The following MCM3 variants were observed in gnomAD, a reference collection of about 807,000 sequenced individuals.
MCM3 encodes DNA replication licensing factor MCM3.
Under a neutral mutation model 91.3 loss-of-function variants are expected in MCM3, and 59 were observed. That is an observed-to-expected ratio of 0.65 (90% confidence interval 0.52 to 0.80). The LOEUF (loss-of-function observed/expected upper bound fraction) is 0.80, where lower values mean the gene tolerates loss of function less well. Among genes scored for constraint, MCM3 ranks in the 30% least tolerant of loss-of-function variants. MCM3 has a pLI of 0.00. For missense variants in MCM3, 919 were observed against 1,035.4 expected (o/e 0.89, Z 1.54); for synonymous variants, 383 against 379.6 (o/e 1.01, Z -0.10).
chr6:52,272,182 C>CTAA, intron 12 of MCM3, 119 bp downstream of exon 12: 1 of 991,486 alleles, frequency 1.0e-6, no homozygotes, highest in Middle Eastern at 3.5e-4. Context: ...AACAGGAAGC[C>CTAA]CTTCAGACCA....
In MCM3 at chr6:52,282,633, G is replaced by C; in HGVS notation, c.400+20C>G. ...TCCCTGTCTATTCATTTCCTAAGCG[G>C]CCCCCTTTAACCCACTTACATTTAG... On this transcript the variant is annotated intron_variant, in intron 3 of 16. Coordinates refer to ENST00000596288, the MANE Select transcript of MCM3 (RefSeq NM_002388.6). 6.2e-7 allele frequency: 1 copy of C among 1,608,784 alleles called. No homozygotes were observed. The highest frequency in any genetic ancestry group is 1.3e-5 in the African/African-American group (1 of 74,866).
intron 2 of MCM3, 123 bp downstream of exon 2, chr6:52,283,171 G>T: frequency 1.3e-6 from 1 of 748,584 alleles, no homozygotes; most frequent in Non-Finnish European, 2.2e-6. Flanking sequence ...GTGCAGGTGA[G>T]CTACGAGGGC....
rs1764612983 is a variant in MCM3, at chr6:52,265,970, T to C, written c.2228+105A>G. The C allele has an allele frequency of 1.1e-5, 10 of 872,532 alleles. No homozygotes were observed. The South Asian group carries it at 1.6e-4, about 14-fold the overall frequency. 54.0% of individuals were successfully genotyped at this position (872,532 alleles called of 1,614,324 possible). On this transcript the variant is annotated intron_variant, in intron 16 of 16. Coordinates refer to ENST00000596288, the MANE Select transcript of MCM3 (RefSeq NM_002388.6). ...GCTGCAGGCCTCTAGTTTTGAGTTC[T>C]ATTGATGACCAGCAGTTTGTTTCCC...
At chr6:52,278,985 G>A in intron 5 of MCM3, 135 bp from the exon 6 acceptor site, 1 of 600,078 alleles carries the variant, frequency 1.7e-6, no homozygotes, top group Non-Finnish European at 2.9e-6. Context: ...GAGGGGGCAG[G>A]TAGCTATTGT....
chr6:52,276,315 T>A lies in MCM3; in HGVS notation c.1327A>T (p.Asn443Tyr). The change falls in exon 9 of 17, where the codon AAT becomes TAT. Residue 443 changes from asparagine to tyrosine, a missense_variant. Physicochemically the swap from Asn to Tyr is moderately radical, Grantham distance 143. Transcript: ENST00000596288. ...GCTGCCAAAACACTGCAGCGGGCAT[T>A]CAGCCGAGCATGGATGCCAGCCTTG... Reference protein sequence around the residue: ...IAKAGIHARLNARCSVLAAAN... With the variant: ...IAKAGIHARLYARCSVLAAAN... The A allele has an allele frequency of 6.2e-7, 1 of 1,613,088 alleles. No homozygotes were observed. The highest frequency in any genetic ancestry group is 1.1e-5 in the South Asian group (1 of 90,996).
chr6:52,276,628 G>A (rs1461151719), intron 8 of MCM3, 152 bp from the exon 9 acceptor site: 6 of 655,662 alleles, frequency 9.2e-6, no homozygotes, highest in Non-Finnish European at 1.5e-5. Flanking sequence ...GGAAACCCTG[G>A]TGGGTCACCT....
Position 52,273,887 on chromosome 6 carries a change from G to A in MCM3, c.1404C>T (p.Asn468=). The A allele has an allele frequency of 6.2e-7, 1 of 1,613,976 alleles. No individual in the cohort carries two copies. Among genetic ancestry groups the A allele is most frequent in the South Asian group, 1.1e-5 (1 of 91,050 alleles). ...RYDQYKTPME[N]IGLQDSLLSR... is the part of the protein sequence containing the mutation. Reference sequence around the variant, plus strand: ...ACAGCAGTGAGTCCTGTAGCCCAATGTTCTCCATTGGAGTCTTATACTGGT... The same window carrying A: ...ACAGCAGTGAGTCCTGTAGCCCAATATTCTCCATTGGAGTCTTATACTGGT... Residue 468 remains asparagine (N), a synonymous_variant, in exon 10 of 17, where the codon AAC becomes AAT. Transcript: ENST00000596288.
rs772036028 is a variant in MCM3 at position 52,267,871 on chromosome 6, C to T, written c.2066G>A (p.Arg689Lys). The part of the protein sequence containing the change: ...EKSQEDQEQK[R>K]KRRKTRQPDA... ...TTTGCTTGCCCCACCTTACCTCTTC[C>T]TCTTCTGCTCCTGGTCCTCTTGGCT... Residue 689 changes from arginine to lysine, a missense_variant, in exon 14 of 17, where the codon AGG (arginine) becomes AAG (lysine). Transcript: ENST00000596288. 6.2e-6 allele frequency: 7 copies of T among 1,122,808 alleles called. No individual in the cohort carries two copies. The highest frequency in any genetic ancestry group is 6.7e-6 in the Non-Finnish European group (5 of 748,434). The allele number at this position is 1,122,808 out of a possible 1,614,324, so 69.6% of individuals were successfully genotyped here.
At chr6:52,283,534 T>A in intron 1 of MCM3, 128 bp from the exon 2 acceptor site, 1 of 689,360 alleles carries the variant, frequency 1.5e-6, no homozygotes, top group Non-Finnish European at 2.7e-6. Context: ...AGTAAGTATG[T>A]GCTCATCAAT....
intron 7 of MCM3, 22 bp downstream of exon 7, chr6:52,277,513 A>AACTCCTATCTAAAC: frequency 6.2e-7 from 1 of 1,602,876 alleles, no homozygotes; most frequent in Non-Finnish European, 8.5e-7. Flanking sequence ...CAACAGTCTA[A>AACTCCTATCTAAAC]AGCAAATCCC....
At chr6:52,276,212 TAGTC>T in intron 9 of MCM3, 52 bp downstream of exon 9, 17 of 1,500,434 alleles carry the variant, frequency 1.1e-5, no homozygotes, top group Non-Finnish European at 1.5e-5. Flanking sequence ...TCAGCCCAGT[TAGTC>T]AGCAAAACCA....
chr6:52,271,812 T>C (rs1765159143), intron 12 of MCM3, among the ~76,000 whole-genome samples: 1 of 152,236 alleles, frequency 6.6e-6, no homozygotes. Context: ...TTGACATTCA[T>C]ACCCCTTCAG....
chr6:52,280,638 T>G (rs900108572), intron 4 of MCM3, among the ~76,000 whole-genome samples: 39 of 152,230 alleles, frequency 2.6e-4, no homozygotes, highest in African/African-American at 9.2e-4. Flanking sequence ...GTATTTCACT[T>G]TTCAAGTAAA....
chr6:52,268,975 T>C (rs1764867229), intron 13 of MCM3, 111 bp downstream of exon 13: 1 of 1,184,180 alleles, frequency 8.4e-7, no homozygotes, highest in Non-Finnish European at 1.2e-6. Flanking sequence ...AGACAAATAC[T>C]GCTTTCTGTT....
At chr6:52,267,591 G>A (rs1449075955) in intron 14 of MCM3, among the ~76,000 whole-genome samples, 5 of 148,246 alleles carry the variant, frequency 3.4e-5, no homozygotes, top group Admixed American at 6.8e-5. Context: ...GCAGTGGCAC[G>A]ATCCTGGTTC....
chr6:52,283,434 T>C (rs773208798), intron 1 of MCM3, 28 bp from the exon 2 acceptor site: 9 of 1,439,694 alleles, frequency 6.3e-6, no homozygotes, highest in African/African-American at 1.4e-5. Context: ...CATATCACCA[T>C]AGCCACAAAT....
chr6:52,281,620 C>T (rs936309793), intron 4 of MCM3, among the ~76,000 whole-genome samples: 6 of 151,896 alleles, frequency 4.0e-5, no homozygotes. Flanking sequence ...TTTCAGGCTG[C>T]AGTGTTCTAT....
At chr6:52,270,786 T>C (rs1010258434) in intron 12 of MCM3, among the ~76,000 whole-genome samples, 1 of 152,158 alleles carries the variant, frequency 6.6e-6, no homozygotes, top group African/African-American at 2.4e-5. Context: ...AGCTGTTTAA[T>C]GAGGAAGACA....
chr6:52,277,148 C>T lies in MCM3; in HGVS notation c.1084G>A (p.Ala362Thr). 1 of 1,613,968 alleles carries T rather than the reference C, an allele frequency of 6.2e-7. No homozygotes were observed. The highest frequency in any genetic ancestry group is 8.5e-7 in the Non-Finnish European group (1 of 1,179,954). ...CCAGTGGTGGGGATAGCTCGGGGTG[C>T]AGTGCAAAGCACATACCGCAGAAGC... ...SQLLRYVLCT[A>T]PRAIPTTGRG... Residue 362 changes from alanine (A) to threonine (T), a missense_variant, in exon 8 of 17, where the codon GCA (alanine) becomes ACA (threonine). By Grantham distance (58) the Ala-to-Thr change is moderately conservative (BLOSUM62 0). Transcript: ENST00000596288.
Sources: gnomAD v4.1 joint callset for allele counts (sites outside exome capture counted in the v4.1 genomes callset) on GRCh38, gnomAD v4.1.1 for gene constraint, MANE v1.5 for transcripts, NCBI Gene and HGNC (gene_info 2026-07-23, HGNC 2026-07-21) for gene names.